The following PLCD1 variants were observed in gnomAD, a reference collection of about 807,000 sequenced individuals.
The protein encoded by PLCD1 is phospholipase C delta 1, also known as 1-phosphatidylinositol 4,5-bisphosphate phosphodiesterase delta-1.
PLCD1 carries 71 observed loss-of-function variants against 87.4 expected under a neutral mutation model. The observed-to-expected ratio is 0.81, with a 90% CI of 0.67 to 0.99. The LOEUF is 0.99. Among genes scored for constraint, PLCD1 ranks in the 50% least tolerant of loss-of-function variants. The pLI, the probability that PLCD1 is intolerant of heterozygous loss-of-function variation, is 0.00. For missense variants in PLCD1, 867 were observed against 1,001.5 expected (o/e 0.87, Z 1.81); for synonymous variants, 348 against 399.2 (o/e 0.87, Z 1.53).
chr3:38,011,300 G>A lies in PLCD1; in HGVS notation c.704C>T (p.Thr235Met), dbSNP rs760580540. ...GETLSVDQLV[T>M]FLQHQQREEA... is the part of the protein sequence containing the mutation. The stretch of plus-strand genomic sequence containing the variant: ...CTCCCGCTGCTGGTGCTGCAGGAAC[G>A]TCACTAACTGATCCACCGACAGAGT... The change falls in exon 5 of 15, where the codon ACG becomes ATG. Residue 235 changes from threonine (T) to methionine (M), a missense_variant. Transcript: ENST00000334661. 9 of 1,611,948 alleles carry A rather than the reference G, an allele frequency of 5.6e-6. No homozygotes were observed. The highest frequency in any genetic ancestry group is 2.2e-5 in the South Asian group (2 of 91,006).
Position 38,010,545 on chromosome 3 carries a change from T to A in PLCD1, c.808A>T (p.Met270Leu). 2 of 1,613,732 alleles carry A rather than the reference T, an allele frequency of 1.2e-6. No homozygotes were observed. Among genetic ancestry groups the A allele is most frequent in the Non-Finnish European group, 1.7e-6 (2 of 1,179,822 alleles). Residue 270 changes from methionine to leucine, a missense_variant, in exon 6 of 15, where the codon ATG becomes TTG. Met to Leu is a conservative substitution (Grantham distance 15, BLOSUM62 2). Coordinates refer to ENST00000334661, the MANE Select transcript of PLCD1 (RefSeq NM_006225.4). ...PSETAKAQRQ[M>L]TKDGFLMYLL... ...TACATGAGGAAGCCGTCCTTGGTCA[T>A]CTGCCGCTGCGCCTTGGCTGGGAGG...
rs1362031640 is a variant in PLCD1 at position 38,017,018 on chromosome 3, G to A, written c.200-299C>T. On this transcript the variant is annotated intron_variant, in intron 2 of 14. Transcript: ENST00000334661. The surrounding 1 kb of genome is among the most constrained non-coding windows in gnomAD (Gnocchi z 4.7). ...GAGTGAGAGAAAGACAGACTTTAGG[G>A]CGGAAAAGGCACCTGGGACCCCAGG... Among the ~76,000 whole-genome samples, 1 of 151,970 alleles carries A rather than the reference G, an allele frequency of 6.6e-6. No individual in the cohort carries two copies. The highest frequency in any genetic ancestry group is 2.4e-5 in the African/African-American group (1 of 41,384).
At chr3:38,029,460 G>T (rs1700340346) in intron 1 of PLCD1, 46 bp downstream of exon 1, 1 of 1,516,166 alleles carries the variant, frequency 6.6e-7, no homozygotes, top group Non-Finnish European at 8.9e-7. Context: ...GCTTTCCAGG[G>T]GTCCACCCCT....
chr3:38,013,210 T>C (rs1452974980), intron 3 of PLCD1, among the ~76,000 whole-genome samples: 4 of 120,932 alleles, frequency 3.3e-5, no homozygotes, highest in Admixed American at 3.1e-4. Context: ...TTAATTTTCT[T>C]TTTTTTTTTT....
In PLCD1 at chr3:38,017,555, C is replaced by T. The variant is rs2125548314; in HGVS notation, c.200-836G>A. 6.6e-6 allele frequency among the ~76,000 whole-genome samples: 1 copy of T among 152,300 alleles called. No individual in the cohort carries two copies. Among genetic ancestry groups the T allele is most frequent in the African/African-American group, 2.4e-5 (1 of 41,570 alleles). On this transcript the variant is annotated intron_variant, in intron 2 of 14. Transcript: ENST00000334661. This position sits in a 1 kb window ranked among gnomAD's most constrained non-coding sequence, Gnocchi z 4.7. ...CCAAGCTTCAGGGAGATGCCAGGCC[C>T]TGTCTACCCCCGCTTCCAATGTGCC...
chr3:38,022,066 C>T (rs550595533), intron 1 of PLCD1, among the ~76,000 whole-genome samples: 1 of 152,314 alleles, frequency 6.6e-6, no homozygotes, highest in Non-Finnish European at 1.5e-5. Context: ...CCTCTCTCTG[C>T]TTTTGTTCCC....
At chr3:38,016,371 T>A (rs2096594) in intron 3 of PLCD1, 120 bp downstream of exon 3, 5 of 725,204 alleles carry the variant, frequency 6.9e-6, no homozygotes, top group Non-Finnish European at 1.3e-5. Context: ...AAGCCACCTA[T>A]GATATTTTGT....
chr3:38,024,848 G>A lies in PLCD1; in HGVS notation c.35-4496C>T. 9 of 671,454 alleles carry A rather than the reference G, an allele frequency of 1.3e-5. No homozygotes were observed. The South Asian group carries it at 1.7e-4, about 13-fold the overall frequency. 41.6% of individuals were successfully genotyped at this position (671,454 alleles called of 1,614,324 possible). On this transcript the variant is annotated intron_variant, in intron 1 of 14. Coordinates refer to ENST00000334661, the MANE Select transcript of PLCD1 (RefSeq NM_006225.4). ...AGGCTGGGCCATCCAAGAGGGGTGGGACTAACGACCCCTGGAGATGGGGCG... is the reference window on the plus strand; with the variant it reads ...AGGCTGGGCCATCCAAGAGGGGTGGAACTAACGACCCCTGGAGATGGGGCG...
chr3:38,016,852 T>C, intron 2 of PLCD1, 133 bp from the exon 3 acceptor site: 1 of 728,132 alleles, frequency 1.4e-6, no homozygotes, highest in Non-Finnish European at 2.4e-6. Context: ...GCTCAGGCCT[T>C]GAGTCCAGAA....
At position 38,010,043 on chromosome 3, in the gene PLCD1, T is replaced by A; in HGVS notation, c.1148A>T (p.Tyr383Phe). The A allele has an allele frequency of 1.2e-6, 2 of 1,614,062 alleles. No individual in the cohort carries two copies. The highest frequency in any genetic ancestry group is 1.7e-6 in the Non-Finnish European group (2 of 1,179,980). Residue 383 changes from tyrosine to phenylalanine, a missense_variant, in exon 8 of 15, where the codon TAC becomes TTC. Transcript: ENST00000334661. The stretch of plus-strand genomic sequence containing the variant: ...GTTCTCCAGGGATAGGATGACAGGG[T>A]AGGGGGACGCCTGGAGGCCCAAGGG... ...IRDYAFKASP[Y>F]PVILSLENHC...
Position 38,011,647 on chromosome 3 carries a change from G to C in PLCD1, c.455C>G (p.Ala152Gly). The change falls in exon 4 of 15, where the codon GCT (alanine) becomes GGT (glycine). Residue 152 changes from alanine to glycine, a missense_variant. Ala to Gly is a moderately conservative substitution (Grantham distance 60). Coordinates refer to ENST00000334661, the MANE Select transcript of PLCD1 (RefSeq NM_006225.4). ...CATCTTGTTGTCCTTGTTTTTGTCA[G>C]CTTTTCGCAAGCAGGAGTGAATCCA... is the stretch of plus-strand genomic sequence containing the variant. Reference protein sequence around the residue: ...QHWIHSCLRKADKNKDNKMSF... With the variant: ...QHWIHSCLRKGDKNKDNKMSF... 6.2e-7 allele frequency: 1 copy of C among 1,614,210 alleles called. No individual in the cohort carries two copies. Among genetic ancestry groups the C allele is most frequent in the Non-Finnish European group, 8.5e-7 (1 of 1,180,014 alleles).
chr3:38,007,930 C>T (rs1338649958), intron 14 of PLCD1, 72 bp from the exon 15 acceptor site: 7 of 1,602,980 alleles, frequency 4.4e-6, no homozygotes, highest in East Asian at 4.5e-5. Context: ...GGGGTGGATG[C>T]GTCAAGGGAC....
intron 1 of PLCD1, 152 bp downstream of exon 1, chr3:38,029,354 G>T: frequency 1.3e-6 from 1 of 741,606 alleles, no homozygotes; most frequent in Non-Finnish European, 2.3e-6. Context: ...CGCGGGCTGA[G>T]ATTTTCCCAG....
intron 3 of PLCD1, among the ~76,000 whole-genome samples, chr3:38,015,855 G>C (rs1268735350): frequency 1.3e-5 from 2 of 152,138 alleles, no homozygotes; most frequent in African/African-American, 2.4e-5. Flanking sequence ...TAGAAAACAT[G>C]ATTAAAACAT....
At position 38,009,388 on chromosome 3, in the gene PLCD1, AT is replaced by A; in HGVS notation, c.1489del (p.Ile497PhefsTer51). On this transcript the variant is annotated frameshift_variant, in exon 10 of 15. Coordinates refer to ENST00000334661, the MANE Select transcript of PLCD1 (RefSeq NM_006225.4). LOFTEE classifies it high-confidence loss of function. ...CCCAAAGTGGACACTCTTGCAGTAA[AT>A]GACCATGTCAGAGAGCTCCTGTGCT... ...RLAQELSDMVIYCKSVHFGGF... is the reference protein window; with the variant it reads ...RLAQELSDMVXYCKSVHFGGF... The A allele has an allele frequency of 1.2e-6, 2 of 1,614,162 alleles. No individual in the cohort carries two copies. Among genetic ancestry groups the A allele is most frequent in the Non-Finnish European group, 1.7e-6 (2 of 1,180,020 alleles).
In PLCD1 at chr3:38,011,465, G is replaced by A. The variant is rs773693019; in HGVS notation, c.559-20C>T. On this transcript the variant is annotated intron_variant, in intron 4 of 14. Coordinates refer to ENST00000334661, the MANE Select transcript of PLCD1 (RefSeq NM_006225.4). ...ACACTCCTGCAGAGCCAGGACAGCC[G>A]AGTGGGCTCAGAGCAGGCCTTGGGC... is the stretch of plus-strand genomic sequence containing the variant. 20 of 1,613,274 alleles carry A rather than the reference G, an allele frequency of 1.2e-5. No individual in the cohort carries two copies. The highest frequency in any genetic ancestry group is 1.2e-4 in the Admixed American group (7 of 60,002).
rs1700041529 is a variant in PLCD1, at chr3:38,009,908, G to C, written c.1283C>G (p.Pro428Arg). 2 of 1,605,624 alleles carry C rather than the reference G, an allele frequency of 1.2e-6. No individual in the cohort carries two copies. The highest frequency in any genetic ancestry group is 2.3e-5 in the East Asian group (1 of 44,352). Residue 428 changes from proline to arginine, a missense_variant, in exon 8 of 15, where the codon CCT becomes CGT. Pro to Arg is a moderately radical substitution (Grantham distance 103). Transcript: ENST00000334661. ...LDGVTNSLPS[P>R]EQLKGKILLK... is the part of the protein sequence containing the mutation. The stretch of plus-strand genomic sequence containing the variant: ...TCCCCCATCCCCACCACACACCTCA[G>C]GGGAGGGCAGGCTGTTGGTGACCCC...
chr3:38,011,492 G>T (rs375710734), intron 4 of PLCD1, 47 bp from the exon 5 acceptor site: 6 of 1,613,620 alleles, frequency 3.7e-6, no homozygotes, highest in Admixed American at 3.3e-5. Flanking sequence ...GCCTTGGGCC[G>T]GGGTCAAGGG....
chr3:38,009,552 G>C (rs536240700), intron 9 of PLCD1, 101 bp downstream of exon 9: 253 of 1,555,278 alleles, frequency 1.6e-4, no homozygotes, highest in Non-Finnish European at 2.1e-4. Context: ...GGGGCAGAGG[G>C]TCTGAGTGGC....
Sources: gnomAD v4.1 joint callset for allele counts (sites outside exome capture counted in the v4.1 genomes callset) on GRCh38, gnomAD v4.1.1 for gene constraint, Gnocchi (gnomAD v3.1) non-coding constraint, MANE v1.5 for transcripts, NCBI Gene and HGNC (gene_info 2026-07-23, HGNC 2026-07-21) for gene names.